The following KIF21A variants were observed in gnomAD, a reference collection of about 807,000 sequenced individuals.
KIF21A encodes the protein kinesin family member 21A, also known as kinesin-like protein KIF21A.
In KIF21A, 114 loss-of-function variants were observed where a neutral mutation model predicts 202.9. The ratio of observed to expected loss-of-function variants is 0.56; its 90% CI spans 0.48 to 0.66. The LOEUF (loss-of-function observed/expected upper bound fraction) is 0.66, where lower values mean the gene tolerates loss of function less well. KIF21A is among the 30% of genes least tolerant of loss of function. KIF21A has a pLI of 0.00. For missense variants in KIF21A, 1,677 were observed against 1,994.9 expected (o/e 0.84, Z 3.04); for synonymous variants, 667 against 670.8 (o/e 0.99, Z 0.09).
intron 1 of KIF21A, among the ~76,000 whole-genome samples, chr12:39,434,865 TAA>T (rs1362893338): frequency 6.6e-6 from 1 of 152,138 alleles, no homozygotes; most frequent in African/African-American, 2.4e-5. Flanking sequence ...TGCTGAAAGA[TAA>T]AAGACTTATT....
At chr12:39,408,977 G>T (rs1286850335) in intron 1 of KIF21A, among the ~76,000 whole-genome samples, 1 of 151,790 alleles carries the variant, frequency 6.6e-6, no homozygotes, top group Non-Finnish European at 1.5e-5. Context: ...GTGCCACCAC[G>T]CCCAGCTAAT....
chr12:39,304,027 A>G (rs1014861445), intron 35 of KIF21A, among the ~76,000 whole-genome samples: 7 of 152,086 alleles, frequency 4.6e-5, no homozygotes, highest in Non-Finnish European at 1.0e-4. Flanking sequence ...CACCTTCATC[A>G]ATTGCCACCA....
At chr12:39,394,488 C>G (rs1007343765) in intron 1 of KIF21A, among the ~76,000 whole-genome samples, 6 of 152,076 alleles carry the variant, frequency 3.9e-5, no homozygotes, top group African/African-American at 1.4e-4. Flanking sequence ...ATGCTATGTA[C>G]CAGGCACTGA....
chr12:39,395,266 T>C (rs549761158), intron 1 of KIF21A, among the ~76,000 whole-genome samples: 1 of 152,352 alleles, frequency 6.6e-6, no homozygotes, highest in East Asian at 1.9e-4. Context: ...CCTTTAAAGC[T>C]AGGCTGACTC....
At chr12:39,375,247 GA>G (rs1221763222) in intron 1 of KIF21A, among the ~76,000 whole-genome samples, 1 of 152,144 alleles carries the variant, frequency 6.6e-6, no homozygotes, top group Non-Finnish European at 1.5e-5. Flanking sequence ...TATTTTGGGG[GA>G]AAGGCTTATA....
chr12:39,416,412 A>G (rs1022249947), intron 1 of KIF21A, among the ~76,000 whole-genome samples: 1 of 151,914 alleles, frequency 6.6e-6, no homozygotes, highest in Non-Finnish European at 1.5e-5. Flanking sequence ...CCTGGTCAAC[A>G]TGGCGAAACC....
rs1566271464 is a variant in KIF21A, at chr12:39,416,815, G to GTACATATATATGTGTATATA, written c.44+26111_44+26112insTATATACACATATATATGTA. 8.5e-5 allele frequency among the ~76,000 whole-genome samples: 8 copies of GTACATATATATGTGTATATA among 94,152 alleles called. 1 individual carries two copies. In the South Asian group the frequency reaches 1.6e-3, roughly 19 times the overall value. 61.8% of individuals were successfully genotyped at this position (94,152 alleles called of 152,430 possible). A position where few individuals can be genotyped will look rare whatever the true frequency, so the allele number is the denominator to read the frequency against. On this transcript the variant is annotated intron_variant, in intron 1 of 37. Coordinates refer to ENST00000361418, the MANE Select transcript of KIF21A (RefSeq NM_001173464.2). Reference sequence around the variant, plus strand: ...TATATATATGTACATATATATGTGTGTATATATGTACATATATGTGTATAT... The same window carrying GTACATATATATGTGTATATA: ...TATATATATGTACATATATATGTGTGTACATATATATGTGTATATATATATATGTACATATATGTGTATAT...
At chr12:39,309,252 G>C (rs989219039) in intron 33 of KIF21A, among the ~76,000 whole-genome samples, 1 of 152,196 alleles carries the variant, frequency 6.6e-6, no homozygotes. Context: ...TTTGAAGCAA[G>C]TAATATAAAA....
At chr12:39,315,351 A>G in intron 30 of KIF21A, 111 bp from the exon 31 acceptor site, 1 of 931,332 alleles carries the variant, frequency 1.1e-6, no homozygotes, top group Non-Finnish European at 1.7e-6. Flanking sequence ...GAGAAAGAGA[A>G]GTTAAGGACC....
At chr12:39,341,431 T>A in intron 14 of KIF21A, 74 bp downstream of exon 14, 2 of 1,396,748 alleles carry the variant, frequency 1.4e-6, no homozygotes, top group South Asian at 2.4e-5. Context: ...AAATAGAGAA[T>A]GTTAAGAGTT....
intron 1 of KIF21A, among the ~76,000 whole-genome samples, chr12:39,397,958 C>T (rs1339446995): frequency 6.6e-6 from 1 of 152,226 alleles, no homozygotes; most frequent in African/African-American, 2.4e-5. Context: ...CAACCACAGC[C>T]AGCCACACAA....
At chr12:39,384,291 TA>T (rs1419799875) in intron 1 of KIF21A, among the ~76,000 whole-genome samples, 1 of 152,224 alleles carries the variant, frequency 6.6e-6, no homozygotes, top group Non-Finnish European at 1.5e-5. Flanking sequence ...ACATTATCTG[TA>T]AAGACAGAAT....
chr12:39,331,554 G>T, intron 22 of KIF21A, 136 bp downstream of exon 22: 1 of 683,626 alleles, frequency 1.5e-6, no homozygotes. Flanking sequence ...TCTAAAGAAA[G>T]GTAAAAGAAA....
intron 1 of KIF21A, among the ~76,000 whole-genome samples, chr12:39,388,687 T>A (rs936042767): frequency 6.6e-6 from 1 of 152,198 alleles, no homozygotes; most frequent in Non-Finnish European, 1.5e-5. Context: ...AACTTACACA[T>A]GCTTATAAAA....
chr12:39,377,669 T>G (rs138629753), intron 1 of KIF21A, among the ~76,000 whole-genome samples: 1 of 152,266 alleles, frequency 6.6e-6, no homozygotes, highest in African/African-American at 2.4e-5. Context: ...TGATGGGTGA[T>G]GAGAAGAAAG....
chr12:39,441,660 T>TAAAGAAAAAAAAAAAAAAAAAAAAAAA (rs1939603423), intron 1 of KIF21A, among the ~76,000 whole-genome samples: 1 of 37,788 alleles, frequency 2.6e-5, no homozygotes, highest in Non-Finnish European at 5.6e-5. Context: ...CCCTGGGTGG[T>TAAAGAAAAAAAAAAAAAAAAAAAAAAA]AAAAAAAAAA....
intron 7 of KIF21A, among the ~76,000 whole-genome samples, chr12:39,361,592 G>A (rs1949225381): frequency 7.7e-6 from 1 of 129,614 alleles, no homozygotes; most frequent in African/African-American, 3.2e-5. Context: ...CACGATCTCC[G>A]CCTCCTGGGT....
intron 11 of KIF21A, among the ~76,000 whole-genome samples, chr12:39,349,340 C>A (rs1948172820): frequency 6.6e-6 from 1 of 151,956 alleles, no homozygotes. Context: ...AAAATCAGTC[C>A]AAAGTTTCAA....
chr12:39,309,462 G>A (rs1477156183), intron 33 of KIF21A, 124 bp downstream of exon 33: 2 of 680,716 alleles, frequency 2.9e-6, no homozygotes, highest in Admixed American at 2.9e-5. Context: ...AATATCCTCT[G>A]GGAAGTGGAC....
Sources: gnomAD v4.1 joint callset for allele counts (sites outside exome capture counted in the v4.1 genomes callset) on GRCh38, gnomAD v4.1.1 for gene constraint, MANE v1.5 for transcripts, NCBI Gene and HGNC (gene_info 2026-07-23, HGNC 2026-07-21) for gene names.